FSHR: variants seen among roughly 807,000 people sequenced by gnomAD.
FSHR encodes follicle-stimulating hormone receptor.
A neutral mutation model predicts 52.1 loss-of-function variants in FSHR; 46 were observed. That is an observed-to-expected ratio of 0.88 (90% CI 0.70 to 1.13). The LOEUF is 1.13. Ranked by LOEUF, FSHR falls within the 50% of genes most tolerant of loss-of-function variation. FSHR has a pLI of 0.00. For missense variants in FSHR, 964 were observed against 834.6 expected, an observed-to-expected ratio of 1.16 and a Z score of -1.91; for synonymous variants, 399 against 309.6, an observed-to-expected ratio of 1.29 and a Z score of -3.03.
At chr2:49,017,648 AT>A in intron 3 of FSHR, 85 bp from the exon 4 acceptor site, 1 of 965,886 alleles carries the variant, frequency 1.0e-6, no homozygotes, top group Non-Finnish European at 1.7e-6. Context: ...TACATAATAA[AT>A]CATTCATCCC....
intron 8 of FSHR, among the ~76,000 whole-genome samples, chr2:48,975,058 G>C (rs1443086149): frequency 6.6e-6 from 1 of 152,128 alleles, no homozygotes. Context: ...TTGTGACCAC[G>C]ATAGTTAATT....
chr2:49,078,040 G>C (rs1324707888), intron 1 of FSHR, among the ~76,000 whole-genome samples: 1 of 152,180 alleles, frequency 6.6e-6, no homozygotes. Context: ...CACATTTTCA[G>C]GTGTGTTTTC....
At chr2:49,100,855 C>T (rs1671001528) in intron 1 of FSHR, among the ~76,000 whole-genome samples, 1 of 152,042 alleles carries the variant, frequency 6.6e-6, no homozygotes, top group African/African-American at 2.4e-5. Flanking sequence ...GGAAAGCTGA[C>T]CCAAAGGAAG....
chr2:49,076,021 A>G lies in FSHR; in HGVS notation c.153-7731T>C, dbSNP rs117902384. 2.2e-4 allele frequency among the ~76,000 whole-genome samples: 33 copies of G among 152,340 alleles called. 1 individual carries two copies. In the East Asian group the frequency reaches 6.4e-3, roughly 29 times the overall value. ...TACAAAAATTGATTCATGAAGATAC[A>G]GAAAAGTGAATAGACCTATAATTAT... On this transcript the variant is annotated intron_variant, in intron 1 of 9. Coordinates refer to ENST00000406846, the MANE Select transcript of FSHR (RefSeq NM_000145.4).
chr2:48,964,065 G>T, intron 9 of FSHR, 99 bp from the exon 10 acceptor site: 1 of 1,306,502 alleles, frequency 7.7e-7, no homozygotes, highest in Non-Finnish European at 1.1e-6. Context: ...GTTTCTTCCT[G>T]AGATTTTTTT....
chr2:49,127,898 CT>C (rs766862227), intron 1 of FSHR, among the ~76,000 whole-genome samples: 3 of 27,258 alleles, frequency 1.1e-4, no homozygotes, highest in East Asian at 1.1e-3. Context: ...TCTTCTTCTT[CT>C]TTTTTTTTTT....
At chr2:49,041,522 C>G (rs933266041) in intron 2 of FSHR, among the ~76,000 whole-genome samples, 1 of 152,094 alleles carries the variant, frequency 6.6e-6, no homozygotes, top group African/African-American at 2.4e-5. Flanking sequence ...TTTAAGATTT[C>G]CAAGCTGTAT....
intron 2 of FSHR, among the ~76,000 whole-genome samples, chr2:49,041,043 C>T (rs900344244): frequency 6.6e-6 from 1 of 152,162 alleles, no homozygotes; most frequent in African/African-American, 2.4e-5. Context: ...AAAGGCTTTG[C>T]ATTTGGAATT....
At chr2:49,096,106 C>G (rs913377089) in intron 1 of FSHR, among the ~76,000 whole-genome samples, 1 of 152,186 alleles carries the variant, frequency 6.6e-6, no homozygotes, top group African/African-American at 2.4e-5. Flanking sequence ...TCCAGAAATA[C>G]TACTCATATG....
In FSHR at chr2:49,054,926, G is replaced by A. The variant is rs546616051; in HGVS notation, c.224+13293C>T. 7.2e-5 allele frequency among the ~76,000 whole-genome samples: 11 copies of A among 152,194 alleles called. No individual in the cohort carries two copies. The South Asian group carries it at 1.5e-3, about 20-fold the overall frequency. On this transcript the variant is annotated intron_variant, in intron 2 of 9. Transcript: ENST00000406846. ...CCTACTTCATAAAATTGGAACAGGT[G>A]ACTGTTTGACCAGATGCATAAAAAT...
At chr2:49,072,010 G>T (rs1056577284) in intron 1 of FSHR, among the ~76,000 whole-genome samples, 3 of 152,034 alleles carry the variant, frequency 2.0e-5, no homozygotes, top group African/African-American at 7.2e-5. Flanking sequence ...AATATAAGTG[G>T]GTTGTCATAA....
chr2:49,145,610 T>C (rs147993499), intron 1 of FSHR, among the ~76,000 whole-genome samples: 2 of 152,192 alleles, frequency 1.3e-5, no homozygotes, highest in East Asian at 1.9e-4. Context: ...AGTTGTCAAA[T>C]TAGTGATTTC....
intron 9 of FSHR, among the ~76,000 whole-genome samples, chr2:48,967,496 T>G (rs1282157009): frequency 6.6e-6 from 1 of 152,224 alleles, no homozygotes; most frequent in Admixed American, 6.5e-5. Flanking sequence ...AATTCTTATC[T>G]GGAATATAAA....
chr2:49,023,636 G>A (rs1203150105), intron 2 of FSHR, among the ~76,000 whole-genome samples: 1 of 152,124 alleles, frequency 6.6e-6, no homozygotes, highest in Non-Finnish European at 1.5e-5. Context: ...GCCTCTCTGG[G>A]TCACAGCTCT....
At chr2:48,992,197 A>G (rs571595168) in intron 4 of FSHR, among the ~76,000 whole-genome samples, 70 of 152,248 alleles carry the variant, frequency 4.6e-4, no homozygotes, top group Admixed American at 1.6e-3. Flanking sequence ...AATTATATAC[A>G]GAAAAATAAA....
intron 1 of FSHR, among the ~76,000 whole-genome samples, chr2:49,071,247 A>G (rs1256624531): frequency 2.0e-5 from 3 of 152,302 alleles, no homozygotes; most frequent in East Asian, 3.9e-4. Context: ...GGAGGAAAAC[A>G]CAAATCCACT....
intron 3 of FSHR, among the ~76,000 whole-genome samples, chr2:49,019,667 GATAGTTATCT>G (rs1667620388): frequency 1.3e-5 from 2 of 152,206 alleles, no homozygotes; most frequent in South Asian, 4.1e-4. Flanking sequence ...CTGAGTCTCA[GATAGTTATCT>G]ATCTTGGCCA....
At chr2:48,979,777 C>G (rs1158101680) in intron 8 of FSHR, among the ~76,000 whole-genome samples, 1 of 151,886 alleles carries the variant, frequency 6.6e-6, no homozygotes, top group Admixed American at 6.6e-5. Context: ...CTCCGGTAAA[C>G]CTCCCGCATG....
intron 2 of FSHR, 22 bp downstream of exon 2, chr2:49,068,197 C>G (rs370933194): frequency 1.9e-6 from 3 of 1,595,680 alleles, no homozygotes; most frequent in Non-Finnish European, 2.6e-6. Flanking sequence ...GGCATTCACT[C>G]ACAGCAGTGC....
Sources: allele counts gnomAD v4.1 joint callset (sites outside exome capture counted in the v4.1 genomes callset), GRCh38; gene constraint gnomAD v4.1.1; transcripts MANE v1.5; gene names NCBI Gene and HGNC (gene_info 2026-07-23, HGNC 2026-07-21).